The following IL34 variants were observed in gnomAD, a reference collection of about 807,000 sequenced individuals.
IL34 encodes interleukin-34.
Under a neutral mutation model 25.3 loss-of-function variants are expected in IL34, and 17 were observed. The ratio of observed to expected loss-of-function variants is 0.67; its 90% CI spans 0.46 to 1.01. The LOEUF (loss-of-function observed/expected upper bound fraction) is 1.01, where lower values mean the gene tolerates loss of function less well. Ranked by LOEUF, IL34 falls within the 50% of genes least tolerant of loss-of-function variation. The pLI, the probability that IL34 is intolerant of heterozygous loss-of-function variation, is 0.00. For synonymous variants in IL34, 174 were observed against 140.9 expected (o/e 1.23, Z -1.66); for missense variants, 368 against 312.9 (o/e 1.18, Z -1.33).
In IL34 at chr16:70,634,406, G is replaced by A. The variant is rs139754495; in HGVS notation, c.-400-12142G>A. Among the ~76,000 whole-genome samples the A allele has an allele frequency of 4.6e-3, 700 of 152,160 alleles. 4 individuals are homozygous for A. Among genetic ancestry groups the A allele is most frequent in the African/African-American group, 0.016 (674 of 41,510 alleles). ...GAGATAGAACATTTCCAGGCTGGGC[G>A]CAGTGGCTCATGCCTGTAATCCCAG... is the stretch of plus-strand genomic sequence containing the variant. On this transcript the variant is annotated intron_variant, in intron 1 of 6. Transcript: ENST00000429149.
intron 1 of IL34, among the ~76,000 whole-genome samples, chr16:70,630,745 T>C (rs2051500846): frequency 6.6e-6 from 1 of 152,020 alleles, no homozygotes. Flanking sequence ...CTAATTTTTA[T>C]ATTTTTTTGT....
chr16:70,654,263 C>T, intron 1 of IL34: 1 of 300,424 alleles, frequency 3.3e-6, no homozygotes, highest in Non-Finnish European at 6.2e-6. Context: ...AGCGGGGAGA[C>T]CAGACGTCGA....
intron 2 of IL34, among the ~76,000 whole-genome samples, chr16:70,656,061 G>A (rs2052211031): frequency 6.6e-6 from 1 of 152,208 alleles, no homozygotes; most frequent in Non-Finnish European, 1.5e-5. Flanking sequence ...GAAGTAACGT[G>A]TCCTCACTCT....
At chr16:70,629,630 G>A (rs1244555480) in intron 1 of IL34, among the ~76,000 whole-genome samples, 1 of 151,810 alleles carries the variant, frequency 6.6e-6, no homozygotes, top group Non-Finnish European at 1.5e-5. Context: ...ATTGTTTGGG[G>A]AGTAATGACA....
intron 1 of IL34, among the ~76,000 whole-genome samples, chr16:70,648,708 G>T (rs561671723): frequency 6.6e-6 from 1 of 152,172 alleles, no homozygotes; most frequent in African/African-American, 2.4e-5. Flanking sequence ...GTGGGGGCTG[G>T]TGCCCAGGGG....
At chr16:70,638,933 A>G (rs1388739583) in intron 1 of IL34, among the ~76,000 whole-genome samples, 42 of 152,164 alleles carry the variant, frequency 2.8e-4, no homozygotes, top group Admixed American at 2.8e-3. Flanking sequence ...AAAGTGAGTG[A>G]ATGCAGGGAA....
At chr16:70,630,783 G>A (rs541414298) in intron 1 of IL34, among the ~76,000 whole-genome samples, 43 of 152,122 alleles carry the variant, frequency 2.8e-4, no homozygotes, top group African/African-American at 1.0e-3. Context: ...ATGTTGCCCA[G>A]GCTGGCCTCA....
At chr16:70,654,362 G>C in intron 1 of IL34, 176 bp from the exon 2 acceptor site, 1 of 783,978 alleles carries the variant, frequency 1.3e-6, no homozygotes, top group East Asian at 2.9e-5. Context: ...TGACCTTGCT[G>C]TTCTGGAGCC....
chr16:70,601,005 C>T lies in IL34; in HGVS notation c.-401+20956C>T, dbSNP rs994170239. On this transcript the variant is annotated intron_variant, in intron 1 of 6. Transcript: ENST00000429149. Reference sequence around the variant, plus strand: ...GGGAGAAGTAGGGGATGCTAAGAGACGTGGGAGATGCTGGGAGAAGTAGGG... The same window carrying T: ...GGGAGAAGTAGGGGATGCTAAGAGATGTGGGAGATGCTGGGAGAAGTAGGG... Among the ~76,000 whole-genome samples the T allele has an allele frequency of 1.1e-4, 13 of 121,596 alleles. No homozygotes were observed. In the South Asian group the frequency reaches 1.6e-3, roughly 15 times the overall value. 79.8% of individuals were successfully genotyped at this position (121,596 alleles called of 152,430 possible). A position where few individuals can be genotyped will look rare whatever the true frequency, so the allele number is the denominator to read the frequency against.
intron 1 of IL34, among the ~76,000 whole-genome samples, chr16:70,624,353 G>A (rs2051345638): frequency 6.6e-6 from 1 of 152,150 alleles, no homozygotes; most frequent in African/African-American, 2.4e-5. Context: ...CACAGTGGAG[G>A]CAAGGAATTG....
upstream of IL34, among the ~76,000 whole-genome samples, chr16:70,642,294 C>CTT (rs531744889): frequency 0.019 from 2,180 of 116,842 alleles, 57 homozygotes; most frequent in Middle Eastern, 0.028. Flanking sequence ...ACTCTGATGT[C>CTT]TTTTTTTTTT....
Position 70,611,817 on chromosome 16 carries a change from C to T in IL34, c.-401+31768C>T, listed in dbSNP as rs149335123. Among the ~76,000 whole-genome samples the T allele has an allele frequency of 2.1e-3, 321 of 152,188 alleles. 1 individual carries two copies. The highest frequency in any genetic ancestry group is 7.5e-3 in the African/African-American group (310 of 41,520). On this transcript the variant is annotated intron_variant, in intron 1 of 6. Coordinates refer to the IL34 transcript ENST00000429149. ...CGAGATCACACCACTGCACTGCAGC[C>T]TGGGTGACAGAGCAAGACTCTGTCT...
At chr16:70,624,536 G>A (rs1214276713) in intron 1 of IL34, among the ~76,000 whole-genome samples, 5 of 152,146 alleles carry the variant, frequency 3.3e-5, no homozygotes, top group Admixed American at 6.5e-5. Context: ...GTCTAGGGCT[G>A]TAAAGCGTCT....
intron 1 of IL34, among the ~76,000 whole-genome samples, chr16:70,650,448 TC>T (rs1390064941): frequency 6.6e-6 from 1 of 151,976 alleles, no homozygotes; most frequent in African/African-American, 2.4e-5. Context: ...CAAGGCACAG[TC>T]CCTGCCTTGA....
chr16:70,614,183 CA>C (rs35356831), intron 1 of IL34, among the ~76,000 whole-genome samples: 360 of 130,960 alleles, frequency 2.7e-3, no homozygotes, highest in Admixed American at 3.2e-3. Flanking sequence ...AACCCTGTCT[CA>C]AAAAAAAAAA....
intron 1 of IL34, among the ~76,000 whole-genome samples, chr16:70,653,067 G>T (rs2052120335): frequency 1.3e-5 from 2 of 152,154 alleles, no homozygotes; most frequent in Non-Finnish European, 2.9e-5. Flanking sequence ...TTGGCCGGGT[G>T]TAGTAGCCCC....
intron 1 of IL34, 64 bp downstream of exon 1, chr16:70,647,039 C>G: frequency 2.2e-6 from 3 of 1,341,220 alleles, no homozygotes; most frequent in Non-Finnish European, 2.9e-6. Flanking sequence ...CAGGATCTGC[C>G]GTAACCATAG....
intron 1 of IL34, among the ~76,000 whole-genome samples, chr16:70,587,281 T>G (rs2050705960): frequency 6.6e-6 from 1 of 151,908 alleles, no homozygotes; most frequent in African/African-American, 2.4e-5. Context: ...GTTTTGCTTT[T>G]TTTTTTGAGA....
At chr16:70,589,324 G>A (rs939853736) in intron 1 of IL34, among the ~76,000 whole-genome samples, 1 of 152,062 alleles carries the variant, frequency 6.6e-6, no homozygotes, top group African/African-American at 2.4e-5. Flanking sequence ...GGGGTTTGTT[G>A]TATTTCATCA....
Sources: allele counts gnomAD v4.1 joint callset (sites outside exome capture counted in the v4.1 genomes callset), GRCh38; gene constraint gnomAD v4.1.1; transcripts MANE v1.5; gene names NCBI Gene and HGNC (gene_info 2026-07-23, HGNC 2026-07-21).